The following PIK3C3 variants were observed in gnomAD, a reference collection of about 807,000 sequenced individuals.
PIK3C3 encodes the protein phosphatidylinositol 3-kinase catalytic subunit type 3.
Under a neutral mutation model 126.1 loss-of-function variants are expected in PIK3C3, and 95 were observed. That is an observed-to-expected ratio of 0.75 (90% CI 0.64 to 0.89). The LOEUF is 0.89. PIK3C3 is among the 40% of genes least tolerant of loss of function. The pLI is 0.00. For synonymous variants in PIK3C3, 374 were observed against 360.0 expected, an observed-to-expected ratio of 1.04 and a Z score of -0.44; for missense variants, 829 against 1,063.2, an observed-to-expected ratio of 0.78 and a Z score of 3.06.
At chr18:41,969,113 C>CT (rs1217276597) in intron 3 of PIK3C3, among the ~76,000 whole-genome samples, 1 of 151,404 alleles carries the variant, frequency 6.6e-6, no homozygotes, top group Non-Finnish European at 1.5e-5. Context: ...GCCACCATGC[C>CT]CAGTCTGTAC....
At chr18:42,011,291 G>C (rs946743695) in intron 10 of PIK3C3, among the ~76,000 whole-genome samples, 4 of 152,154 alleles carry the variant, frequency 2.6e-5, no homozygotes, top group African/African-American at 9.7e-5. Flanking sequence ...CTAAAACAAG[G>C]CTGTTTCATC....
chr18:42,057,596 T>G, intron 21 of PIK3C3: 1 of 282,996 alleles, frequency 3.5e-6, no homozygotes, highest in Non-Finnish European at 6.6e-6. Context: ...GCTCTGACCG[T>G]CTTTGATTCT....
chr18:42,048,845 G>A (rs964871232), intron 20 of PIK3C3, among the ~76,000 whole-genome samples: 4 of 152,218 alleles, frequency 2.6e-5, no homozygotes, highest in African/African-American at 9.6e-5. Context: ...TTTGTTGTCA[G>A]GTTATTAATG....
intron 21 of PIK3C3, among the ~76,000 whole-genome samples, chr18:42,054,715 A>G (rs752486599): frequency 3.9e-5 from 6 of 151,964 alleles, no homozygotes; most frequent in Non-Finnish European, 8.8e-5. Context: ...CCCCTCCCCC[A>G]TTGGGTGACT....
intron 21 of PIK3C3, 67 bp from the exon 22 acceptor site, chr18:42,057,816 T>G: frequency 8.1e-6 from 11 of 1,363,752 alleles, no homozygotes; most frequent in African/African-American, 1.4e-5. Flanking sequence ...ATCAATTGTG[T>G]GACATATCAC....
At chr18:42,040,656 A>G in intron 18 of PIK3C3, 21 bp from the exon 19 acceptor site, 1 of 1,560,322 alleles carries the variant, frequency 6.4e-7, no homozygotes, top group Non-Finnish European at 8.8e-7. Flanking sequence ...TGCTTAATGC[A>G]GTGCATACAT....
At chr18:42,030,206 T>G (rs1428791375) in intron 15 of PIK3C3, among the ~76,000 whole-genome samples, 1 of 152,206 alleles carries the variant, frequency 6.6e-6, no homozygotes, top group Non-Finnish European at 1.5e-5. Context: ...CCAGATTGAC[T>G]TGCCCAAGGT....
chr18:42,028,575 C>A (rs1327722922), intron 14 of PIK3C3, among the ~76,000 whole-genome samples: 1 of 152,182 alleles, frequency 6.6e-6, no homozygotes, highest in East Asian at 1.9e-4. Flanking sequence ...TGAGACTAAG[C>A]TTTTGTATTC....
rs776267187 is a variant in PIK3C3, at chr18:41,970,454, A to G, written c.529A>G (p.Lys177Glu). ...AGAAGATCAGATGAGCCGTCTTGCC[A>G]AGGTAAAAAAAGTCATTTGGAACAG... ...LSEDQMSRLA[K>E]LTKAHRQGHM... is the part of the protein sequence containing the mutation. The change falls in exon 4 of 25, where the codon AAG becomes GAG. Residue 177 changes from lysine to glutamate, a missense_variant and splice_region_variant. This residue lies in a region of PIK3C3 where 313 missense variants were observed against 340.7 expected (regional missense o/e 0.92). Transcript: ENST00000262039. 5.0e-6 allele frequency: 8 copies of G among 1,613,644 alleles called. No homozygotes were observed. Among genetic ancestry groups the G allele is most frequent in the Non-Finnish European group, 5.9e-6 (7 of 1,179,900 alleles).
At chr18:42,019,728 A>G (rs1443656307) in intron 12 of PIK3C3, among the ~76,000 whole-genome samples, 1 of 152,102 alleles carries the variant, frequency 6.6e-6, no homozygotes, top group Non-Finnish European at 1.5e-5. Context: ...CCTGAGTTTC[A>G]GATTCATCTA....
intron 19 of PIK3C3, 105 bp from the exon 20 acceptor site, chr18:42,043,628 A>C (rs1598925814): frequency 1.5e-6 from 1 of 684,054 alleles, no homozygotes; most frequent in East Asian, 2.7e-5. Context: ...CTGTATTTTG[A>C]TTAAGCTTTA....
At chr18:42,012,183 TA>T (rs200019420) in intron 10 of PIK3C3, among the ~76,000 whole-genome samples, 9,551 of 142,052 alleles carry the variant, frequency 0.067, 314 homozygotes, top group Non-Finnish European at 0.081. Context: ...CTTCATTCTG[TA>T]AAAAAAAAAA....
Position 41,955,269 on chromosome 18 carries a change from G to A in PIK3C3, c.-23G>A, listed in dbSNP as rs1035811633. On this transcript the variant is annotated 5_prime_UTR_variant, in exon 1 of 25. The change creates a new upstream start codon in the 5' untranslated region. Coordinates refer to ENST00000262039, the MANE Select transcript of PIK3C3 (RefSeq NM_002647.4). ...TCCTGTACCTAAGTTCCCGCTGTAG[G>A]TGGTACCTTTGCAGACGGTGCGATG... The A allele has an allele frequency of 6.2e-7, 1 of 1,605,970 alleles. No homozygotes were observed.
Position 42,017,086 on chromosome 18 carries a change from T to G in PIK3C3, c.1416+1520T>G, listed in dbSNP as rs545257920. 2.0e-5 allele frequency among the ~76,000 whole-genome samples: 3 copies of G among 152,250 alleles called. No individual in the cohort carries two copies. The East Asian group carries it at 5.8e-4, about 29-fold the overall frequency. Reference sequence around the variant, plus strand: ...AATAGTTTTTTAGAGGGTTCAGGTATCCAGAAAAGAGTGGCAATCATTTTG... The same window carrying G: ...AATAGTTTTTTAGAGGGTTCAGGTAGCCAGAAAAGAGTGGCAATCATTTTG... On this transcript the variant is annotated intron_variant, in intron 12 of 24. Transcript: ENST00000262039.
intron 24 of PIK3C3, among the ~76,000 whole-genome samples, chr18:42,068,828 T>C (rs978030860): frequency 3.3e-5 from 5 of 151,754 alleles, no homozygotes; most frequent in African/African-American, 1.2e-4. Context: ...CGGGCGCCTG[T>C]AGTCCCAGCT....
chr18:42,038,359 T>C (rs1194736440), intron 17 of PIK3C3, among the ~76,000 whole-genome samples: 1 of 152,232 alleles, frequency 6.6e-6, no homozygotes, highest in African/African-American at 2.4e-5. Flanking sequence ...ATTTTTTTTT[T>C]TGAGATGGAG....
In PIK3C3 at chr18:41,959,004, T is replaced by C. The variant is rs116538721; in HGVS notation, c.257+1246T>C. ...ATCATCATCATCACACCTAAAACAA[T>C]GGAGCAGAATTCCTTAATTGTATCA... On this transcript the variant is annotated intron_variant, in intron 2 of 24. Coordinates refer to ENST00000262039, the MANE Select transcript of PIK3C3 (RefSeq NM_002647.4). 9.0e-3 allele frequency among the ~76,000 whole-genome samples: 1,370 copies of C among 152,240 alleles called. 18 individuals are homozygous for C. Among genetic ancestry groups the C allele is most frequent in the African/African-American group, 0.032 (1,316 of 41,540 alleles).
chr18:41,985,304 G>A (rs1338975155), intron 4 of PIK3C3, among the ~76,000 whole-genome samples: 1 of 152,174 alleles, frequency 6.6e-6, no homozygotes, highest in Non-Finnish European at 1.5e-5. Context: ...TCGTTATGTA[G>A]TAATAGGTAA....
At chr18:42,068,843 A>G (rs923876950) in intron 24 of PIK3C3, among the ~76,000 whole-genome samples, 11 of 150,682 alleles carry the variant, frequency 7.3e-5, no homozygotes, top group Non-Finnish European at 1.5e-4. Context: ...CCAGCTACTC[A>G]GGAGGCTGAG....
Sources: allele counts gnomAD v4.1 joint callset (sites outside exome capture counted in the v4.1 genomes callset), GRCh38; gene constraint gnomAD v4.1.1; regional missense constraint gnomAD v4.1.1; transcripts MANE v1.5; gene names NCBI Gene and HGNC (gene_info 2026-07-23, HGNC 2026-07-21).